Variants in MYO10 observed in about 807,000 individuals in gnomAD.
MYO10 encodes unconventional myosin-X.
MYO10 carries 133 observed loss-of-function variants against 257.3 expected under a neutral mutation model. The ratio of observed to expected loss-of-function variants is 0.52; its 90% CI spans 0.45 to 0.60. The LOEUF is 0.60. MYO10 is among the 20% of genes least tolerant of loss of function. The pLI, the probability that MYO10 is intolerant of heterozygous loss-of-function variation, is 0.00. For missense variants in MYO10, 2,399 were observed against 2,635.7 expected, an observed-to-expected ratio of 0.91 and a Z score of 1.97; for synonymous variants, 1,104 against 1,028.6, an observed-to-expected ratio of 1.07 and a Z score of -1.40.
intron 19 of MYO10, among the ~76,000 whole-genome samples, chr5:16,749,443 C>CG (rs1346909621): frequency 3.3e-5 from 5 of 150,174 alleles, no homozygotes; most frequent in African/African-American, 1.2e-4. Flanking sequence ...ACTGAGATTG[C>CG]GCCACTGCAC....
rs368834881 is a variant in MYO10, at chr5:16,694,446, C to T, written c.3725G>A (p.Arg1242His). The T allele has an allele frequency of 5.6e-6, 9 of 1,613,896 alleles. No individual in the cohort carries two copies. Among genetic ancestry groups the T allele is most frequent in the Admixed American group, 3.3e-5 (2 of 59,992 alleles). The change falls in exon 27 of 41, where the codon CGC becomes CAC. Residue 1242 changes from arginine (R) to histidine (H), a missense_variant. Arg to His is a conservative substitution (Grantham distance 29). This residue lies in a region of MYO10 where 1,820 missense variants were observed against 1,939.4 expected (regional missense o/e 0.94). Coordinates refer to ENST00000513610, the MANE Select transcript of MYO10 (RefSeq NM_012334.3). The part of the protein sequence containing the change: ...RNWKKRWFVL[R>H]QSKLMYFEND... Reference sequence around the variant, plus strand: ...TTCAAAGTACATCAGCTTGGACTGGCGGAGGACAAACCAGCGCTTCTTCCA... The same window carrying T: ...TTCAAAGTACATCAGCTTGGACTGGTGGAGGACAAACCAGCGCTTCTTCCA...
intron 1 of MYO10, among the ~76,000 whole-genome samples, chr5:16,893,017 A>G (rs968297145): frequency 6.6e-6 from 1 of 151,892 alleles, no homozygotes; most frequent in African/African-American, 2.4e-5. Context: ...AACACGGTGA[A>G]GCCCCATCTC....
chr5:16,694,721 C>T (rs367612769), intron 26 of MYO10, 107 bp from the exon 27 acceptor site: 50 of 1,432,840 alleles, frequency 3.5e-5, no homozygotes, highest in Non-Finnish European at 4.7e-5. Flanking sequence ...TTAGACTCTG[C>T]CCCAGCCGCA....
intron 19 of MYO10, among the ~76,000 whole-genome samples, chr5:16,754,011 T>TAATTACATTACAATTAAATTACATAAA (rs1459846619): frequency 1.3e-5 from 2 of 152,302 alleles, no homozygotes; most frequent in South Asian, 4.1e-4. Context: ...TTTTACAATT[T>TAATTACATTACAATTAAATTACATAAA]AATTACATTA....
intron 1 of MYO10, among the ~76,000 whole-genome samples, chr5:16,891,293 T>C (rs1745041199): frequency 7.3e-6 from 1 of 137,550 alleles, no homozygotes; most frequent in Admixed American, 7.4e-5. Flanking sequence ...AGACTCCGTC[T>C]TGAAAGAGAG....
chr5:16,851,787 T>A (rs1039236150), intron 2 of MYO10, among the ~76,000 whole-genome samples: 1 of 152,066 alleles, frequency 6.6e-6, no homozygotes, highest in Admixed American at 6.6e-5. Flanking sequence ...GCGTGGTGGC[T>A]CATGCCTGTA....
chr5:16,735,152 T>C (rs891029367), intron 19 of MYO10, among the ~76,000 whole-genome samples: 2 of 152,222 alleles, frequency 1.3e-5, no homozygotes, highest in African/African-American at 4.8e-5. Flanking sequence ...AAGAGTAACT[T>C]GCTTTATCAT....
rs540871130 is a variant in MYO10 at position 16,838,125 on chromosome 5, T to C, written c.121-19958A>G. ...TTGGGCCAATGAAATAACCCCACAA[T>C]GGCCACTAAATGTTCAAGTAAAAAA... On this transcript the variant is annotated intron_variant, in intron 2 of 40. Transcript: ENST00000513610. Among the ~76,000 whole-genome samples the C allele has an allele frequency of 2.0e-5, 3 of 152,212 alleles. No homozygotes were observed. The South Asian group carries it at 6.2e-4, about 32-fold the overall frequency.
Position 16,768,664 on chromosome 5 carries a change from C to CTTTTTTTTTTT in MYO10, c.1060+399_1060+409dup, listed in dbSNP as rs34950225. Among the ~76,000 whole-genome samples the CTTTTTTTTTTT allele has an allele frequency of 8.3e-4, 58 of 70,136 alleles. 3 individuals carry two copies. Among genetic ancestry groups the CTTTTTTTTTTT allele is most frequent in the Non-Finnish European group, 1.3e-3 (53 of 40,652 alleles). 46.0% of individuals were successfully genotyped at this position (70,136 alleles called of 152,430 possible). A position where few individuals can be genotyped will look rare whatever the true frequency, so the allele number is the denominator to read the frequency against. ...AAGGAGTCAGAACATTTTCTCTTTT[C>CTTTTTTTTTTT]TTTTTTTTTTTTTTTTTTTTTTTTT... On this transcript the variant is annotated intron_variant, in intron 10 of 40. Coordinates refer to ENST00000513610, the MANE Select transcript of MYO10 (RefSeq NM_012334.3).
intron 28 of MYO10, among the ~76,000 whole-genome samples, chr5:16,686,663 T>C (rs1034514598): frequency 2.0e-5 from 3 of 151,998 alleles, no homozygotes; most frequent in African/African-American, 7.2e-5. Context: ...GCCTCTCGAG[T>C]AGCTGGGACA....
chr5:16,682,898 A>G (rs577518113), intron 30 of MYO10, among the ~76,000 whole-genome samples: 5 of 152,322 alleles, frequency 3.3e-5, no homozygotes, highest in East Asian at 1.9e-4. Flanking sequence ...CTAAGGATGG[A>G]TCATCACATG....
At chr5:16,721,750 G>A (rs1032116797) in intron 19 of MYO10, among the ~76,000 whole-genome samples, 6 of 152,122 alleles carry the variant, frequency 3.9e-5, no homozygotes, top group African/African-American at 1.4e-4. Context: ...ACAGCTGCAG[G>A]CGCTTACCTC....
intron 19 of MYO10, among the ~76,000 whole-genome samples, chr5:16,716,821 G>C (rs1339136949): frequency 1.3e-5 from 2 of 151,912 alleles, no homozygotes; most frequent in African/African-American, 2.4e-5. Context: ...AAAATGACTT[G>C]TTCAAACCGG....
chr5:16,897,420 G>T (rs1174608159), intron 1 of MYO10, among the ~76,000 whole-genome samples: 1 of 151,712 alleles, frequency 6.6e-6, no homozygotes, highest in Non-Finnish European at 1.5e-5. Context: ...CCTATGCAAA[G>T]ACGTACGCCC....
In MYO10 at chr5:16,758,236, G is replaced by C; in HGVS notation, c.1740-10C>G. On this transcript the variant is annotated splice_polypyrimidine_tract_variant and intron_variant, in intron 17 of 40. Coordinates refer to ENST00000513610, the MANE Select transcript of MYO10 (RefSeq NM_012334.3). The stretch of plus-strand genomic sequence containing the variant: ...GTAGATAAAGTCAAATCTGTGTGAG[G>C]CAAGAGCAGGAGGTCAGTGAGGCAC... 6.3e-7 allele frequency: 1 copy of C among 1,575,226 alleles called. No individual in the cohort carries two copies. The highest frequency in any genetic ancestry group is 8.7e-7 in the Non-Finnish European group (1 of 1,144,866).
intron 1 of MYO10, among the ~76,000 whole-genome samples, chr5:16,930,409 G>C (rs1434003731): frequency 2.0e-5 from 3 of 152,172 alleles, no homozygotes; most frequent in Admixed American, 6.5e-5. Flanking sequence ...GAGGAATGTG[G>C]ACTTAATTTT....
At chr5:16,790,520 C>T (rs171628) in intron 4 of MYO10, among the ~76,000 whole-genome samples, 51,158 of 152,016 alleles carry the variant, frequency 0.34, 10,462 homozygotes, top group Non-Finnish European at 0.45. Context: ...ATGCTGTTCT[C>T]GCAGTAGTGA....
intron 2 of MYO10, among the ~76,000 whole-genome samples, chr5:16,868,990 G>C (rs1049190652): frequency 1.2e-4 from 19 of 152,010 alleles, no homozygotes; most frequent in African/African-American, 4.4e-4. Context: ...AGCATGGGTT[G>C]GGCAGTGGCT....
At chr5:16,843,505 C>T (rs561492290) in intron 2 of MYO10, among the ~76,000 whole-genome samples, 1 of 152,146 alleles carries the variant, frequency 6.6e-6, no homozygotes, top group Non-Finnish European at 1.5e-5. Flanking sequence ...AGTTAGTAAG[C>T]AGCAGGCAGG....
Sources: allele counts gnomAD v4.1 joint callset (sites outside exome capture counted in the v4.1 genomes callset), GRCh38; gene constraint gnomAD v4.1.1; regional missense constraint gnomAD v4.1.1; transcripts MANE v1.5; gene names NCBI Gene and HGNC (gene_info 2026-07-23, HGNC 2026-07-21).